The following TANC2 variants were observed in gnomAD, a reference collection of about 807,000 sequenced individuals.
TANC2 encodes the protein protein TANC2.
TANC2 carries 26 observed loss-of-function variants against 210.5 expected under a neutral mutation model. That is an observed-to-expected ratio of 0.12 (90% CI 0.09 to 0.17). The LOEUF is 0.17. Ranked by LOEUF, TANC2 falls within the 10% of genes least tolerant of loss-of-function variation. The pLI is 1.00. For missense variants in TANC2, 2,129 were observed against 2,608.9 expected, an observed-to-expected ratio of 0.82 and a Z score of 4.01; for synonymous variants, 931 against 967.1, an observed-to-expected ratio of 0.96 and a Z score of 0.69.
At chr17:62,995,813 A>G (rs963086103) in intron 1 of TANC2, among the ~76,000 whole-genome samples, 3 of 152,248 alleles carry the variant, frequency 2.0e-5, no homozygotes, top group African/African-American at 7.2e-5. Context: ...AAAGATTATC[A>G]GCTGGGCATA....
intron 4 of TANC2, among the ~76,000 whole-genome samples, chr17:63,126,277 T>A (rs1051834438): frequency 3.9e-5 from 6 of 152,336 alleles, no homozygotes; most frequent in Middle Eastern, 3.4e-3. Flanking sequence ...CAATAAAACA[T>A]CCTGCACTTA....
rs74642119 is a variant in TANC2 at position 62,990,307 on chromosome 17, C to G, written c.-23-19230C>G. On this transcript the variant is annotated intron_variant, in intron 1 of 27. Transcript: ENST00000689528. ...GGAATTAATTAATTATTGAGAGAGT[C>G]TCATTCTGTCACCCAGGCTGGAGTG... 4.2e-3 allele frequency among the ~76,000 whole-genome samples: 638 copies of G among 151,932 alleles called. 1 individual carries two copies. Among genetic ancestry groups the G allele is most frequent in the Non-Finnish European group, 7.4e-3 (502 of 67,932 alleles).
At chr17:63,126,299 A>C (rs2038705165) in intron 4 of TANC2, among the ~76,000 whole-genome samples, 1 of 152,218 alleles carries the variant, frequency 6.6e-6, no homozygotes, top group Admixed American at 6.5e-5. Flanking sequence ...CTAGAGCTTC[A>C]ATAATATTCT....
intron 4 of TANC2, among the ~76,000 whole-genome samples, chr17:63,144,783 G>T (rs967984284): frequency 6.6e-6 from 1 of 152,118 alleles, no homozygotes; most frequent in Admixed American, 6.6e-5. Context: ...TTTGCATTAT[G>T]AAGAGTCAGA....
chr17:62,988,665 A>T (rs1488347138), intron 1 of TANC2, among the ~76,000 whole-genome samples: 2 of 152,242 alleles, frequency 1.3e-5, no homozygotes, highest in Non-Finnish European at 2.9e-5. Flanking sequence ...TAGGCAAATC[A>T]GGAATTTGGA....
intron 5 of TANC2, among the ~76,000 whole-genome samples, chr17:63,169,630 A>G (rs762881633): frequency 4.6e-5 from 7 of 152,072 alleles, no homozygotes; most frequent in Non-Finnish European, 7.4e-5. Context: ...CCTGGCCAAC[A>G]TGGTGAAACC....
At chr17:63,212,693 A>G (rs2041921317) in intron 7 of TANC2, among the ~76,000 whole-genome samples, 1 of 152,112 alleles carries the variant, frequency 6.6e-6, no homozygotes, top group Non-Finnish European at 1.5e-5. Context: ...CAGCCTCTCA[A>G]AGTGCTGGGA....
chr17:63,362,916 T>A lies in TANC2; in HGVS notation c.2582+7526T>A, dbSNP rs1240786411. Among the ~76,000 whole-genome samples, 7 of 152,042 alleles carry A rather than the reference T, an allele frequency of 4.6e-5. No homozygotes were observed. The East Asian group carries it at 1.2e-3, about 25-fold the overall frequency. On this transcript the variant is annotated intron_variant, in intron 14 of 27. Coordinates refer to ENST00000689528, the Ensembl canonical transcript of TANC2. The stretch of plus-strand genomic sequence containing the variant: ...CGTCTGTTTACAGCTCACCCTAGAC[T>A]CTATTTATAGTTTTTTTTAGGAACC...
intron 4 of TANC2, among the ~76,000 whole-genome samples, chr17:63,146,567 A>G (rs759646343): frequency 2.6e-5 from 4 of 151,558 alleles, no homozygotes; most frequent in Non-Finnish European, 4.4e-5. Context: ...TTCATTTTAC[A>G]TTTTCTTGAT....
chr17:63,375,885 C>T (rs1403348410), intron 14 of TANC2, among the ~76,000 whole-genome samples: 1 of 151,666 alleles, frequency 6.6e-6, no homozygotes, highest in Non-Finnish European at 1.5e-5. Context: ...ATCAGGAGTT[C>T]AAGTCCAGCC....
At chr17:63,054,676 C>T (rs981766378) in intron 2 of TANC2, among the ~76,000 whole-genome samples, 5 of 152,050 alleles carry the variant, frequency 3.3e-5, no homozygotes, top group African/African-American at 7.2e-5. Flanking sequence ...CCACCGTGCC[C>T]GGCCATAAGT....
exon 14 of TANC2, chr17:63,355,182 C>G (rs756100541): frequency 6.2e-7 from 1 of 1,613,842 alleles, no homozygotes; most frequent in African/African-American, 1.3e-5. Flanking sequence ...TCTCCACCCA[C>G]TGACTGATGA....
At chr17:62,995,160 T>C (rs903948532) in intron 1 of TANC2, among the ~76,000 whole-genome samples, 1 of 152,226 alleles carries the variant, frequency 6.6e-6, no homozygotes, top group Non-Finnish European at 1.5e-5. Context: ...TGTAGAATAA[T>C]AAAGCCGTTC....
rs778978586 is a variant in TANC2, at chr17:63,421,273, C to T, written c.5543C>T (p.Pro1848Leu). ...AGTGTCAACCCTAACGAAATCAAACCGCACCCGCCAACTCCCAGGCCGTTG... is the reference window on the plus strand; with the variant it reads ...AGTGTCAACCCTAACGAAATCAAACTGCACCCGCCAACTCCCAGGCCGTTG... Residue 1848 changes from proline to leucine, a missense_variant, in exon 28 of 28, where the codon CCG becomes CTG. Physicochemically the swap from Pro to Leu is moderately conservative, Grantham distance 98 (BLOSUM62 -3). Coordinates refer to ENST00000689528, the Ensembl canonical transcript of TANC2. The surrounding 1 kb of genome is among the most constrained non-coding windows in gnomAD (Gnocchi z 6.9). 12 of 1,613,860 alleles carry T rather than the reference C, an allele frequency of 7.4e-6. No individual in the cohort carries two copies. The highest frequency in any genetic ancestry group is 2.7e-5 in the African/African-American group (2 of 74,904).
At chr17:63,035,763 A>C (rs2144189912) in intron 2 of TANC2, among the ~76,000 whole-genome samples, 1 of 152,284 alleles carries the variant, frequency 6.6e-6, no homozygotes, top group Admixed American at 6.5e-5. Context: ...TATATGTTTA[A>C]CTACACAAGG....
intron 5 of TANC2, among the ~76,000 whole-genome samples, chr17:63,181,079 C>T (rs1409561375): frequency 3.3e-5 from 5 of 149,926 alleles, no homozygotes; most frequent in African/African-American, 4.9e-5. Context: ...TAATTTAGCT[C>T]CGAATTAGAG....
At chr17:63,168,249 G>C (rs1296567864) in intron 5 of TANC2, among the ~76,000 whole-genome samples, 2 of 152,202 alleles carry the variant, frequency 1.3e-5, no homozygotes, top group Non-Finnish European at 2.9e-5. Context: ...AGGAGAGGTA[G>C]AGGGGATGAG....
At chr17:63,370,182 C>CTTT (rs568393678) in intron 14 of TANC2, among the ~76,000 whole-genome samples, 2 of 131,144 alleles carry the variant, frequency 1.5e-5, no homozygotes, top group Non-Finnish European at 3.3e-5. Context: ...CTTTTTTTTT[C>CTTT]TTTTTTTTTT....
chr17:63,155,958 T>G (rs2039821486), intron 5 of TANC2, among the ~76,000 whole-genome samples: 1 of 152,214 alleles, frequency 6.6e-6, no homozygotes, highest in African/African-American at 2.4e-5. Flanking sequence ...CCAACTCCTG[T>G]ATAGTCATGG....
Sources: gnomAD v4.1 joint callset for allele counts (sites outside exome capture counted in the v4.1 genomes callset) on GRCh38, gnomAD v4.1.1 for gene constraint, Gnocchi (gnomAD v3.1) non-coding constraint, MANE v1.5 for transcripts, NCBI Gene and HGNC (gene_info 2026-07-23, HGNC 2026-07-21) for gene names.